Variants in BCAS3 observed in about 807,000 individuals in gnomAD.
The protein encoded by BCAS3 is BCAS4/BCAS3 fusion.
Under a neutral mutation model 116.1 loss-of-function variants are expected in BCAS3, and 53 were observed. The observed-to-expected ratio is 0.46, with a 90% CI of 0.37 to 0.57. The LOEUF is 0.57. BCAS3 is among the 20% of genes least tolerant of loss of function. The probability of loss-of-function intolerance (pLI) is 0.00; values close to 1 mark genes in which losing one functional copy is unlikely to be tolerated. For synonymous variants in BCAS3, 391 were observed against 408.2 expected (o/e 0.96, Z 0.51); for missense variants, 917 against 1,165.4 (o/e 0.79, Z 3.10).
chr17:60,910,474 T>A, intron 11 of BCAS3, 58 bp from the exon 12 acceptor site: 1 of 1,352,434 alleles, frequency 7.4e-7, no homozygotes, highest in Non-Finnish European at 9.9e-7. Context: ...AAATGCGTAT[T>A]TCTATGTAGA....
intron 22 of BCAS3, among the ~76,000 whole-genome samples, chr17:61,351,069 A>G (rs2057812908): frequency 6.6e-6 from 1 of 152,194 alleles, no homozygotes; most frequent in South Asian, 2.1e-4. Flanking sequence ...AATATAGCAA[A>G]GGCTTGTTCT....
At chr17:60,812,169 T>C (rs1281760725) in intron 7 of BCAS3, among the ~76,000 whole-genome samples, 1 of 152,232 alleles carries the variant, frequency 6.6e-6, no homozygotes, top group East Asian at 1.9e-4. Context: ...CATATGGTGA[T>C]GTTGAATAGA....
chr17:61,292,665 A>T (rs2144710272), intron 22 of BCAS3, among the ~76,000 whole-genome samples: 1 of 152,194 alleles, frequency 6.6e-6, no homozygotes, highest in East Asian at 1.9e-4. Context: ...AACAAGAAAA[A>T]AGAAATGAGG....
chr17:61,220,328 T>C lies in BCAS3; in HGVS notation c.2425+135764T>C, dbSNP rs909023669. Among the ~76,000 whole-genome samples, 6 of 151,950 alleles carry C rather than the reference T, an allele frequency of 3.9e-5. No individual in the cohort carries two copies. The highest frequency in any genetic ancestry group is 1.4e-4 in the African/African-American group (6 of 41,466). On this transcript the variant is annotated intron_variant, in intron 22 of 23. Transcript: ENST00000407086. The surrounding 1 kb of genome is among the most constrained non-coding windows in gnomAD (Gnocchi z 4.5). ...ACAAAAAACAAAAAAACTGAAGTTT[T>C]CTCATTTGATGGAGTCACAATAATC...
Position 61,034,939 on chromosome 17 carries a change from C to A in BCAS3, c.1762+149C>A. ...ATTAGCATGTCACTTCTCAACTACT[C>A]AAGCCTAGTCAAGAAGAAAAACTAT... is the stretch of plus-strand genomic sequence containing the variant. On this transcript the variant is annotated intron_variant, in intron 17 of 23. Coordinates refer to ENST00000407086, the MANE Select transcript of BCAS3 (RefSeq NM_017679.5). The surrounding 1 kb of genome is among the most constrained non-coding windows in gnomAD (Gnocchi z 5.0). 1 of 659,620 alleles carries A rather than the reference C, an allele frequency of 1.5e-6. No homozygotes were observed. Among genetic ancestry groups the A allele is most frequent in the Non-Finnish European group, 2.5e-6 (1 of 400,120 alleles). The allele number at this position is 659,620 out of a possible 1,614,324, so 40.9% of individuals were successfully genotyped here.
chr17:60,693,868 A>C (rs2035207571), intron 4 of BCAS3, among the ~76,000 whole-genome samples: 1 of 150,728 alleles, frequency 6.6e-6, no homozygotes, highest in Admixed American at 6.6e-5. Context: ...TTACCATTTT[A>C]ACCATTAAAA....
At chr17:60,901,056 C>T (rs2057859412) in intron 10 of BCAS3, among the ~76,000 whole-genome samples, 1 of 151,314 alleles carries the variant, frequency 6.6e-6, no homozygotes, top group Non-Finnish European at 1.5e-5. Context: ...TAAAAATAAA[C>T]AAAAAAAATC....
At chr17:60,794,050 C>T (rs902808601) in intron 6 of BCAS3, among the ~76,000 whole-genome samples, 9 of 152,092 alleles carry the variant, frequency 5.9e-5, no homozygotes, top group Non-Finnish European at 1.3e-4. Flanking sequence ...CCCTGATCGC[C>T]GCATCCACAC....
At position 61,243,900 on chromosome 17, in the gene BCAS3, C is replaced by T. The variant is rs2144513834; in HGVS notation, c.2426-124427C>T. Among the ~76,000 whole-genome samples, 1 of 152,274 alleles carries T rather than the reference C, an allele frequency of 6.6e-6. No homozygotes were observed. The highest frequency in any genetic ancestry group is 1.5e-5 in the Non-Finnish European group (1 of 68,020). Reference sequence around the variant, plus strand: ...TCCTAGGCTCAAGCAGCCCTCCCACCTGGGCCTCCCAAGTAGCTGGGAATA... The same window carrying T: ...TCCTAGGCTCAAGCAGCCCTCCCACTTGGGCCTCCCAAGTAGCTGGGAATA... On this transcript the variant is annotated intron_variant, in intron 22 of 23. Transcript: ENST00000407086. The surrounding 1 kb of genome is among the most constrained non-coding windows in gnomAD (Gnocchi z 5.6).
chr17:60,915,948 G>A (rs748989661), intron 12 of BCAS3, among the ~76,000 whole-genome samples: 1 of 152,072 alleles, frequency 6.6e-6, no homozygotes, highest in Admixed American at 6.5e-5. Flanking sequence ...CTCCCAAAGG[G>A]CTGGAATTAC....
chr17:61,386,608 C>T (rs900372620), intron 23 of BCAS3, among the ~76,000 whole-genome samples: 1 of 151,904 alleles, frequency 6.6e-6, no homozygotes, highest in Non-Finnish European at 1.5e-5. Context: ...TTCCTAAACA[C>T]AAACAGAGCA....
chr17:60,834,250 T>G (rs1336912483), intron 7 of BCAS3, among the ~76,000 whole-genome samples: 1 of 152,056 alleles, frequency 6.6e-6, no homozygotes, highest in Non-Finnish European at 1.5e-5. Context: ...TTTTATTGTC[T>G]TCTTAATAAA....
rs572927080 is a variant in BCAS3 at position 61,016,034 on chromosome 17, C to T, written c.1637+133C>T. 65 of 934,518 alleles carry T rather than the reference C, an allele frequency of 7.0e-5. 1 individual carries two copies. The African/African-American group carries it at 9.9e-4, about 14-fold the overall frequency. 57.9% of individuals were successfully genotyped at this position (934,518 alleles called of 1,614,324 possible). The stretch of plus-strand genomic sequence containing the variant: ...CAGCTCAAATAAGACTTAATGGCAT[C>T]AGATTAAGTACAAAGCATAGAACTT... On this transcript the variant is annotated intron_variant, in intron 16 of 23. Coordinates refer to ENST00000407086, the MANE Select transcript of BCAS3 (RefSeq NM_017679.5).
At chr17:60,737,889 C>T (rs138876622) in intron 5 of BCAS3, among the ~76,000 whole-genome samples, 10 of 152,080 alleles carry the variant, frequency 6.6e-5, no homozygotes, top group Admixed American at 2.0e-4. Flanking sequence ...TCGGTTCAAG[C>T]GATTCTCCTG....
chr17:60,825,405 G>A (rs545542274), intron 7 of BCAS3, among the ~76,000 whole-genome samples: 3 of 151,022 alleles, frequency 2.0e-5, no homozygotes, highest in Admixed American at 6.6e-5. Context: ...AATCTCATGT[G>A]TGGCTTTATA....
intron 4 of BCAS3, among the ~76,000 whole-genome samples, chr17:60,701,586 C>CA (rs895419756): frequency 8.6e-5 from 13 of 151,770 alleles, no homozygotes; most frequent in African/African-American, 3.1e-4. Context: ...CTAGAAACAT[C>CA]AAAAAAATTA....
At position 61,034,707 on chromosome 17, in the gene BCAS3, T is replaced by C. The variant is rs903039248; in HGVS notation, c.1679T>C (p.Met560Thr). The C allele has an allele frequency of 1.2e-6, 2 of 1,612,352 alleles. No individual in the cohort carries two copies. The highest frequency in any genetic ancestry group is 8.5e-7 in the Non-Finnish European group (1 of 1,178,690). Residue 560 changes from methionine to threonine, a missense_variant, in exon 17 of 24, where the codon ATG (methionine) becomes ACG (threonine). Around this residue, in one of 3 missense-constraint regions of BCAS3, gnomAD observed 807 missense variants for 1,026.0 expected, o/e 0.79. Coordinates refer to ENST00000407086, the MANE Select transcript of BCAS3 (RefSeq NM_017679.5). The surrounding 1 kb of genome is among the most constrained non-coding windows in gnomAD (Gnocchi z 5.0). ...CCACAAATTTCACCCAGCAAATCGA[T>C]GGGCGGAGAATTTTGTGTGGCTGCT... ...PPPQISPSKSMGGEFCVAAIF... is the reference protein window; with the variant it reads ...PPPQISPSKSTGGEFCVAAIF...
intron 15 of BCAS3, among the ~76,000 whole-genome samples, chr17:60,992,142 C>T (rs2063561049): frequency 6.7e-6 from 1 of 148,580 alleles, no homozygotes; most frequent in Non-Finnish European, 1.5e-5. Flanking sequence ...TTTGTTTCAG[C>T]TTCTGTACTG....
chr17:61,087,146 A>C lies in BCAS3; in HGVS notation c.2425+2582A>C. The C allele has an allele frequency of 1.0e-6, 1 of 985,458 alleles. No individual in the cohort carries two copies. The allele number at this position is 985,458 out of a possible 1,614,324, so 61.0% of individuals were successfully genotyped here. On this transcript the variant is annotated intron_variant, in intron 22 of 23. Transcript: ENST00000407086. The surrounding 1 kb of genome is among the most constrained non-coding windows in gnomAD (Gnocchi z 4.6). ...TTTTATAATTGCTCTTGAACCGGGA[A>C]GTGCACCTCTGATTATGATCCATGC...
Sources: allele counts gnomAD v4.1 joint callset (sites outside exome capture counted in the v4.1 genomes callset), GRCh38; gene constraint gnomAD v4.1.1; regional missense constraint gnomAD v4.1.1; non-coding constraint Gnocchi (gnomAD v3.1); transcripts MANE v1.5; gene names NCBI Gene and HGNC (gene_info 2026-07-23, HGNC 2026-07-21).